Variants in B3GALT1 observed in about 807,000 individuals in gnomAD.
B3GALT1 encodes the protein beta-1,3-galactosyltransferase 1.
A neutral mutation model predicts 23.2 loss-of-function variants in B3GALT1; 10 were observed. The ratio of observed to expected loss-of-function variants is 0.43; its 90% CI spans 0.27 to 0.73. The LOEUF (loss-of-function observed/expected upper bound fraction) is 0.73. Ranked by LOEUF, B3GALT1 falls within the 30% of genes least tolerant of loss-of-function variation. The pLI, the probability that B3GALT1 is intolerant of heterozygous loss-of-function variation, is 0.21. For synonymous variants in B3GALT1, 156 were observed against 141.5 expected (o/e 1.10, Z -0.73); for missense variants, 299 against 405.4 (o/e 0.74, Z 2.25).
chr2:167,678,524 C>T (rs1043812094), intron 3 of B3GALT1, among the ~76,000 whole-genome samples: 2 of 151,952 alleles, frequency 1.3e-5, no homozygotes, highest in African/African-American at 4.8e-5. Flanking sequence ...CCCTAAGCAC[C>T]ATCCCCATCT....
intron 1 of B3GALT1, among the ~76,000 whole-genome samples, chr2:167,340,802 G>A (rs1238986767): frequency 6.6e-6 from 1 of 152,148 alleles, no homozygotes; most frequent in Non-Finnish European, 1.5e-5. Flanking sequence ...TTCAACAAAA[G>A]TTAGCAGATA....
At chr2:167,685,411 A>G (rs1178760840) in intron 3 of B3GALT1, among the ~76,000 whole-genome samples, 1 of 152,184 alleles carries the variant, frequency 6.6e-6, no homozygotes, top group Non-Finnish European at 1.5e-5. Context: ...TTCTAGTTAG[A>G]GTAAATAGAA....
At chr2:167,736,263 T>C (rs1442962833) in intron 3 of B3GALT1, among the ~76,000 whole-genome samples, 3 of 151,674 alleles carry the variant, frequency 2.0e-5, no homozygotes, top group African/African-American at 7.3e-5. Context: ...AAATGACATG[T>C]CTGTAATGAT....
intron 2 of B3GALT1, among the ~76,000 whole-genome samples, chr2:167,512,624 G>GTATATATATATAAGTATA: frequency 2.0e-5 from 1 of 49,668 alleles, no homozygotes; most frequent in African/African-American, 1.7e-4. Context: ...ATATATACGT[G>GTATATATATATAAGTATA]TATATATATA....
chr2:167,563,159 G>T (rs536378796), intron 2 of B3GALT1, among the ~76,000 whole-genome samples: 104 of 151,782 alleles, frequency 6.9e-4, no homozygotes, highest in Middle Eastern at 6.8e-3. Context: ...TCAGTGAGCC[G>T]CTGGGCACAC....
intron 1 of B3GALT1, among the ~76,000 whole-genome samples, chr2:167,361,536 CA>C (rs1697500060): frequency 6.6e-6 from 1 of 152,142 alleles, no homozygotes; most frequent in East Asian, 1.9e-4. Flanking sequence ...AGAGTACTGG[CA>C]ATTGCATTGC....
Position 167,560,267 on chromosome 2 carries a change from T to C in B3GALT1, c.-410+69990T>C, listed in dbSNP as rs151009842. ...GACAAACAAATGCTGACAGATTTTG[T>C]CACCACCAGGCCTGCCCTCAAAGAG... is the stretch of plus-strand genomic sequence containing the variant. On this transcript the variant is annotated intron_variant, in intron 2 of 4. Transcript: ENST00000392690. 6.9e-3 allele frequency among the ~76,000 whole-genome samples: 1,049 copies of C among 152,224 alleles called. 28 individuals are homozygous for C. The East Asian group carries it at 0.084, about 12-fold the overall frequency.
intron 3 of B3GALT1, among the ~76,000 whole-genome samples, chr2:167,767,476 G>A (rs10190088): frequency 0.12 from 17,821 of 151,922 alleles, 1,323 homozygotes; most frequent in East Asian, 0.33. Context: ...TCTCTGATTG[G>A]GGCTCTTTTC....
At chr2:167,867,438 C>G (rs1000764471) in intron 4 of B3GALT1, among the ~76,000 whole-genome samples, 1 of 152,142 alleles carries the variant, frequency 6.6e-6, no homozygotes, top group African/African-American at 2.4e-5. Context: ...TAGAGTCAAG[C>G]TGCTTGAAGC....
intron 1 of B3GALT1, among the ~76,000 whole-genome samples, chr2:167,398,764 TCTTAGGTGCCCA>T (rs1368692629): frequency 2.6e-5 from 4 of 152,136 alleles, no homozygotes; most frequent in Non-Finnish European, 5.9e-5. Context: ...CTTAAGCATG[TCTTAGGTGCCCA>T]CTATATATCA....
intron 4 of B3GALT1, among the ~76,000 whole-genome samples, chr2:167,845,775 A>T (rs1174458876): frequency 6.6e-6 from 1 of 152,012 alleles, no homozygotes; most frequent in Non-Finnish European, 1.5e-5. Context: ...GAAATCCCTG[A>T]TTTACCTGAA....
At chr2:167,335,660 G>C (rs1306128674) in intron 1 of B3GALT1, among the ~76,000 whole-genome samples, 1 of 152,138 alleles carries the variant, frequency 6.6e-6, no homozygotes, top group African/African-American at 2.4e-5. Context: ...CATGGTGCTG[G>C]TAGGAGTGTC....
intron 1 of B3GALT1, among the ~76,000 whole-genome samples, chr2:167,416,399 G>T (rs1409389724): frequency 6.6e-6 from 1 of 152,246 alleles, no homozygotes; most frequent in African/African-American, 2.4e-5. Context: ...AATTCTGTAG[G>T]CTTGCAGAAA....
chr2:167,789,590 C>G (rs937396207), intron 3 of B3GALT1, among the ~76,000 whole-genome samples: 97 of 151,374 alleles, frequency 6.4e-4, no homozygotes, highest in African/African-American at 2.2e-3. Flanking sequence ...AAGGATGTTG[C>G]CACAGCAAAC....
At position 167,401,589 on chromosome 2, in the gene B3GALT1, C is replaced by T. The variant is rs1698192837; in HGVS notation, c.-510-88588C>T. On this transcript the variant is annotated intron_variant, in intron 1 of 4. Coordinates refer to ENST00000392690, the MANE Select transcript of B3GALT1 (RefSeq NM_020981.4). Reference sequence around the variant, plus strand: ...AATGACCCTCACTAATTCACTGCATCCCCAACTACAGGAGATCCATATCAA... The same window carrying T: ...AATGACCCTCACTAATTCACTGCATTCCCAACTACAGGAGATCCATATCAA... Among the ~76,000 whole-genome samples the T allele has an allele frequency of 1.3e-5, 2 of 152,230 alleles. 1 individual carries two copies. Among genetic ancestry groups the T allele is most frequent in the Middle Eastern group, 6.8e-3 (2 of 294 alleles).
At chr2:167,837,880 A>G (rs1689521694) in intron 4 of B3GALT1, among the ~76,000 whole-genome samples, 1 of 152,292 alleles carries the variant, frequency 6.6e-6, no homozygotes, top group Non-Finnish European at 1.5e-5. Flanking sequence ...AACTCACTCA[A>G]AACCGCTCAA....
intron 1 of B3GALT1, among the ~76,000 whole-genome samples, chr2:167,387,381 T>C (rs772438037): frequency 6.6e-6 from 1 of 152,206 alleles, no homozygotes. Context: ...AATTGTAAAA[T>C]TGGATCTGGA....
chr2:167,319,578 G>C (rs1000744421), intron 1 of B3GALT1, among the ~76,000 whole-genome samples: 6 of 152,024 alleles, frequency 3.9e-5, no homozygotes. Context: ...AGAGTTATCT[G>C]ATGGGAATGA....
chr2:167,790,111 C>T (rs1688408397), intron 3 of B3GALT1, among the ~76,000 whole-genome samples: 1 of 152,132 alleles, frequency 6.6e-6, no homozygotes, highest in South Asian at 2.1e-4. Context: ...TAAATCTTTT[C>T]ACTGCTGCAC....
Sources: allele counts gnomAD v4.1 joint callset (sites outside exome capture counted in the v4.1 genomes callset), GRCh38; gene constraint gnomAD v4.1.1; transcripts MANE v1.5; gene names NCBI Gene and HGNC (gene_info 2026-07-23, HGNC 2026-07-21).